The following CDH18 variants were observed in gnomAD, a reference collection of about 807,000 sequenced individuals.
The protein encoded by CDH18 is cadherin-18.
Under a neutral mutation model 67.9 loss-of-function variants are expected in CDH18, and 31 were observed. The observed-to-expected ratio is 0.46, with a 90% CI of 0.34 to 0.62. The LOEUF is 0.62. CDH18 is among the 20% of genes least tolerant of loss of function. CDH18 has a pLI of 0.01. For synonymous variants in CDH18, 362 were observed against 347.2 expected (o/e 1.04, Z -0.48); for missense variants, 890 against 975.5 (o/e 0.91, Z 1.17).
chr5:19,741,603 C>A (rs1769225212), intron 4 of CDH18, among the ~76,000 whole-genome samples: 1 of 152,060 alleles, frequency 6.6e-6, no homozygotes, highest in African/African-American at 2.4e-5. Context: ...CAATTTCTTA[C>A]CTAGCCAGAT....
intron 2 of CDH18, among the ~76,000 whole-genome samples, chr5:20,054,168 A>G (rs545353469): frequency 6.6e-6 from 1 of 152,238 alleles, no homozygotes; most frequent in Non-Finnish European, 1.5e-5. Context: ...TTTCTTTAAA[A>G]ATCTGTGCCA....
At chr5:19,686,999 A>C (rs748848477) in intron 5 of CDH18, among the ~76,000 whole-genome samples, 8 of 152,188 alleles carry the variant, frequency 5.3e-5, no homozygotes, top group Non-Finnish European at 1.2e-4. Context: ...CTTTAAGTAG[A>C]GTATCTAAGA....
At chr5:20,563,726 C>T (rs528370602) in intron 1 of CDH18, among the ~76,000 whole-genome samples, 1 of 152,156 alleles carries the variant, frequency 6.6e-6, no homozygotes, top group East Asian at 1.9e-4. Context: ...CTAAAGTGTA[C>T]TTAGTATGCA....
chr5:20,159,607 A>T (rs1205973248), intron 2 of CDH18, among the ~76,000 whole-genome samples: 4 of 152,216 alleles, frequency 2.6e-5, no homozygotes, highest in Non-Finnish European at 5.9e-5. Flanking sequence ...TATTACCAAG[A>T]AGCTAATTTC....
At chr5:19,765,965 G>A (rs1470367343) in intron 3 of CDH18, among the ~76,000 whole-genome samples, 3 of 150,990 alleles carry the variant, frequency 2.0e-5, no homozygotes, top group African/African-American at 4.9e-5. Context: ...CTGCAACCTC[G>A]GCCTCCCAGG....
intron 2 of CDH18, among the ~76,000 whole-genome samples, chr5:20,054,489 C>A (rs770080635): frequency 6.6e-6 from 1 of 152,176 alleles, no homozygotes; most frequent in African/African-American, 2.4e-5. Flanking sequence ...AAATTGCATT[C>A]TCTTGTGAGA....
At chr5:19,666,378 G>A (rs1757956151) in intron 5 of CDH18, among the ~76,000 whole-genome samples, 1 of 151,234 alleles carries the variant, frequency 6.6e-6, no homozygotes, top group Non-Finnish European at 1.5e-5. Flanking sequence ...ATAGTTTTGG[G>A]ATTACAGGCA....
intron 1 of CDH18, among the ~76,000 whole-genome samples, chr5:20,397,248 A>G (rs1745361247): frequency 6.6e-6 from 1 of 152,020 alleles, no homozygotes; most frequent in African/African-American, 2.4e-5. Flanking sequence ...CTCCTGCCTC[A>G]GCCTCCCGAG....
chr5:20,004,285 C>G lies in CDH18; in HGVS notation c.-517-12271G>C, dbSNP rs1016634721. ...GCAAGGGAACCTCCTGTTTTCTGCACAGCAAAGAGTATTACATCAAGGTGA... is the reference window on the plus strand; with the variant it reads ...GCAAGGGAACCTCCTGTTTTCTGCAGAGCAAAGAGTATTACATCAAGGTGA... On this transcript the variant is annotated intron_variant, in intron 2 of 14. Coordinates refer to the CDH18 transcript ENST00000507958. 3.0e-4 allele frequency among the ~76,000 whole-genome samples: 46 copies of G among 152,198 alleles called. 2 individuals carry two copies. The highest frequency in any genetic ancestry group is 7.3e-5 in the Non-Finnish European group (5 of 68,042).
intron 1 of CDH18, among the ~76,000 whole-genome samples, chr5:20,481,156 G>A (rs1300921793): frequency 2.0e-5 from 3 of 149,930 alleles, no homozygotes; most frequent in East Asian, 1.9e-4. Flanking sequence ...GATATTCCAT[G>A]CAAATGAAAG....
chr5:19,474,728 A>C (rs1579654336), intron 12 of CDH18, among the ~76,000 whole-genome samples: 1 of 152,150 alleles, frequency 6.6e-6, no homozygotes, highest in Non-Finnish European at 1.5e-5. Context: ...TTTCAAAGAC[A>C]TGAAATAATA....
intron 1 of CDH18, among the ~76,000 whole-genome samples, chr5:20,395,674 G>A (rs757771914): frequency 2.3e-4 from 35 of 152,170 alleles, no homozygotes; most frequent in Non-Finnish European, 4.4e-4. Flanking sequence ...AATCTCTGGA[G>A]TAATAGGAGT....
chr5:20,034,581 G>A (rs1212880023), intron 2 of CDH18, among the ~76,000 whole-genome samples: 5 of 152,050 alleles, frequency 3.3e-5, no homozygotes, highest in African/African-American at 9.6e-5. Flanking sequence ...TCAATCCATC[G>A]AAGGTCTGAA....
intron 3 of CDH18, among the ~76,000 whole-genome samples, chr5:19,760,349 G>A (rs1356223320): frequency 6.6e-6 from 1 of 152,126 alleles, no homozygotes; most frequent in Non-Finnish European, 1.5e-5. Context: ...GCTGGGATGA[G>A]TAGGTCTAAA....
At chr5:19,816,536 T>C (rs576454068) in intron 3 of CDH18, among the ~76,000 whole-genome samples, 1 of 151,962 alleles carries the variant, frequency 6.6e-6, no homozygotes, top group South Asian at 2.1e-4. Context: ...CCTAACATAT[T>C]ACATTAATAA....
chr5:19,860,430 CTTCT>C lies in CDH18; in HGVS notation c.-256-21192_-256-21189del, dbSNP rs1166553795. On this transcript the variant is annotated intron_variant, in intron 2 of 12. Coordinates refer to ENST00000382275, the MANE Select transcript of CDH18 (RefSeq NM_004934.5). Reference sequence around the variant, plus strand: ...TTTCTCATTGCCTTCTTTTCTTCTTCTTCTTTTTTTTTTTTCCTATTATGGCACT... The same window carrying C: ...TTTCTCATTGCCTTCTTTTCTTCTTCTTTTTTTTTTTCCTATTATGGCACT... Among the ~76,000 whole-genome samples, 35 of 149,466 alleles carry C rather than the reference CTTCT, an allele frequency of 2.3e-4. No homozygotes were observed. The South Asian group carries it at 7.0e-3, about 30-fold the overall frequency.
intron 10 of CDH18, among the ~76,000 whole-genome samples, chr5:19,509,922 A>T (rs892466106): frequency 6.6e-6 from 1 of 152,112 alleles, no homozygotes; most frequent in African/African-American, 2.4e-5. Flanking sequence ...AAATATATTA[A>T]CTTAGAGAAC....
At chr5:20,409,434 A>G (rs928604954) in intron 1 of CDH18, among the ~76,000 whole-genome samples, 1 of 151,794 alleles carries the variant, frequency 6.6e-6, no homozygotes, top group Non-Finnish European at 1.5e-5. Flanking sequence ...GTCAAAAAAG[A>G]GATGATAATA....
At position 20,293,249 on chromosome 5, in the gene CDH18, G is replaced by A. The variant is rs539816818; in HGVS notation, c.-579-37744C>T. Among the ~76,000 whole-genome samples the A allele has an allele frequency of 6.6e-5, 10 of 152,146 alleles. No individual in the cohort carries two copies. In the East Asian group the frequency reaches 1.4e-3, roughly 21 times the overall value. ...GGAGAATTGCTTGAACCCAGGAGGC[G>A]GAGTTTGCAGTGAGCTGAGATCACG... On this transcript the variant is annotated intron_variant, in intron 1 of 14. Transcript: ENST00000507958.
Sources: allele counts gnomAD v4.1 joint callset (sites outside exome capture counted in the v4.1 genomes callset), GRCh38; gene constraint gnomAD v4.1.1; transcripts MANE v1.5; gene names NCBI Gene and HGNC (gene_info 2026-07-23, HGNC 2026-07-21).